DDX31: variants seen among roughly 807,000 people sequenced by gnomAD.
DDX31 encodes the protein ATP-dependent DNA helicase DDX31.
A neutral mutation model predicts 91.3 loss-of-function variants in DDX31; 70 were observed. The observed-to-expected ratio is 0.77, with a 90% confidence interval of 0.63 to 0.94. The LOEUF (loss-of-function observed/expected upper bound fraction) is 0.94, where lower values mean the gene tolerates loss of function less well. DDX31 is among the 40% of genes least tolerant of loss of function. DDX31 has a pLI of 0.00. For missense variants in DDX31, 902 were observed against 925.0 expected (o/e 0.98, Z 0.32); for synonymous variants, 362 against 350.6 (o/e 1.03, Z -0.36).
Position 132,650,245 on chromosome 9 carries a change from T to C in DDX31, c.729A>G (p.Ser243=). The C allele has an allele frequency of 3.1e-6, 5 of 1,614,152 alleles. No individual in the cohort carries two copies. Among genetic ancestry groups the C allele is most frequent in the Non-Finnish European group, 4.2e-6 (5 of 1,179,994 alleles). The change falls in exon 9 of 20, where the codon TCA becomes TCG. Residue 243 remains serine, a synonymous_variant. Transcript: ENST00000372159. ...AAACCTCTTCCTACCTGGCCTTTTC[T>C]GATTTTCTCTTCTCTCCTCCCATTA... is the stretch of plus-strand genomic sequence containing the variant. The part of the protein sequence containing the change: ...GVLMGGEKRK[S]EKARLRKGIN...
intron 12 of DDX31, 139 bp from the exon 13 acceptor site, chr9:132,646,210 C>T: frequency 1.2e-6 from 1 of 867,248 alleles, no homozygotes; most frequent in Non-Finnish European, 1.7e-6. Context: ...TTTAAAAAAA[C>T]AAAAACAAAA....
rs759027675 is a variant in DDX31 at position 132,658,733 on chromosome 9, T to A, written c.526A>T (p.Lys176Ter). 1 of 1,613,274 alleles carries A rather than the reference T, an allele frequency of 6.2e-7. No individual in the cohort carries two copies. The highest frequency in any genetic ancestry group is 1.1e-5 in the South Asian group (1 of 90,836). Residue 176 changes from lysine (K) to a stop codon, truncating the protein, a stop_gained and splice_region_variant, in exon 6 of 20, where the codon AAA (lysine) becomes TAA (stop). Transcript: ENST00000372159. LOFTEE classifies it high-confidence loss of function. Reference sequence around the variant, plus strand: ...ACAGGGATGCAATAGGCAAGAGTTTTACCTTTCAAAAAAAAAGCAGAAGCA... The same window carrying A: ...ACAGGGATGCAATAGGCAAGAGTTTAACCTTTCAAAAAAAAAGCAGAAGCA... ...ALVRSQTGSG[K>*]TLAYCIPVVQ...
chr9:132,616,038 T>A (rs966285580), intron 18 of DDX31, among the ~76,000 whole-genome samples: 6 of 152,180 alleles, frequency 3.9e-5, no homozygotes, highest in Non-Finnish European at 8.8e-5. Context: ...AAAGAGTGTC[T>A]CCACCTATGG....
chr9:132,652,372 A>T, intron 7 of DDX31, 76 bp downstream of exon 7: 1 of 1,574,448 alleles, frequency 6.4e-7, no homozygotes, highest in South Asian at 1.1e-5. Context: ...GAAACATGGT[A>T]AAACCACTTT....
intron 14 of DDX31, among the ~76,000 whole-genome samples, chr9:132,632,756 G>A (rs997092620): frequency 2.6e-5 from 4 of 152,088 alleles, no homozygotes; most frequent in Non-Finnish European, 4.4e-5. Context: ...TTAGAATACA[G>A]GCCAAGCCCA....
chr9:132,616,110 C>T (rs1831611312), intron 18 of DDX31, among the ~76,000 whole-genome samples: 1 of 152,166 alleles, frequency 6.6e-6, no homozygotes, highest in Admixed American at 6.5e-5. Flanking sequence ...TACGTGTATA[C>T]TCTCTCAAGC....
At chr9:132,651,660 G>A (rs778945937) in intron 7 of DDX31, among the ~76,000 whole-genome samples, 1 of 152,090 alleles carries the variant, frequency 6.6e-6, no homozygotes, top group Non-Finnish European at 1.5e-5. Flanking sequence ...CTCCATTTGA[G>A]AACAAAGCAA....
intron 19 of DDX31, among the ~76,000 whole-genome samples, chr9:132,608,186 T>A (rs1436782608): frequency 6.6e-6 from 1 of 152,244 alleles, no homozygotes; most frequent in Non-Finnish European, 1.5e-5. Flanking sequence ...ATTCAATATT[T>A]TACCGACAGC....
chr9:132,637,899 T>C lies in DDX31; in HGVS notation c.1440+4105A>G. ...TCTACATTTATTTGGGACACAGAACTGACATTGTGACTCTTCACAGCCGTA... is the reference window on the plus strand; with the variant it reads ...TCTACATTTATTTGGGACACAGAACCGACATTGTGACTCTTCACAGCCGTA... On this transcript the variant is annotated intron_variant, in intron 14 of 19. Coordinates refer to ENST00000372159, the MANE Select transcript of DDX31 (RefSeq NM_022779.9). The C allele has an allele frequency of 3.0e-6, 3 of 991,228 alleles. No individual in the cohort carries two copies. In the African/African-American group the frequency reaches 5.2e-5, roughly 17 times the overall value. The allele number at this position is 991,228 out of a possible 1,614,324, so 61.4% of individuals were successfully genotyped here. A position where few individuals can be genotyped will look rare whatever the true frequency, so the allele number is the denominator to read the frequency against.
intron 18 of DDX31, among the ~76,000 whole-genome samples, chr9:132,616,964 T>C (rs1025035651): frequency 2.0e-5 from 3 of 152,200 alleles, no homozygotes; most frequent in Admixed American, 1.3e-4. Flanking sequence ...GTGACCACAA[T>C]TGCTCCTCAG....
chr9:132,652,911 G>GT (rs1834302039), intron 6 of DDX31, among the ~76,000 whole-genome samples: 1 of 152,106 alleles, frequency 6.6e-6, no homozygotes. Context: ...ATGTGGAACT[G>GT]TAAGTCAAAT....
chr9:132,623,270 A>G (rs1832157695), intron 17 of DDX31, among the ~76,000 whole-genome samples: 1 of 151,378 alleles, frequency 6.6e-6, no homozygotes. Context: ...AGAAAGGTCC[A>G]GTCCAGGCCG....
intron 19 of DDX31, among the ~76,000 whole-genome samples, chr9:132,607,962 C>T (rs114401795): frequency 4.6e-5 from 7 of 152,272 alleles, no homozygotes; most frequent in African/African-American, 9.6e-5. Context: ...ACTTGTGTGA[C>T]GACCTAGACA....
rs1035228861 is a variant in DDX31 at position 132,594,252 on chromosome 9, C to T, written c.*614G>A. 1 of 152,242 alleles carries T rather than the reference C, an allele frequency of 6.6e-6. No homozygotes were observed. The highest frequency in any genetic ancestry group is 1.5e-5 in the Non-Finnish European group (1 of 68,074). The allele number at this position is 152,242 out of a possible 1,614,324, so 9.4% of individuals were successfully genotyped here. ...AGGGAGCAATGCATGTAAATGCAAC[C>T]TCGTGTTTCCAGAAGAAAATAAGAG... is the stretch of plus-strand genomic sequence containing the variant. On this transcript the variant is annotated 3_prime_UTR_variant, in exon 20 of 20. Coordinates refer to ENST00000372159, the MANE Select transcript of DDX31 (RefSeq NM_022779.9).
At chr9:132,661,140 A>G in intron 4 of DDX31, 68 bp downstream of exon 4, 2 of 1,409,200 alleles carry the variant, frequency 1.4e-6, no homozygotes, top group South Asian at 1.2e-5. Flanking sequence ...TCTGCCTTGC[A>G]CACACAGGTT....
At chr9:132,655,500 T>C (rs1000482623) in intron 6 of DDX31, among the ~76,000 whole-genome samples, 1 of 152,200 alleles carries the variant, frequency 6.6e-6, no homozygotes, top group Non-Finnish European at 1.5e-5. Context: ...ATGCAGAGAA[T>C]TTCCCCAGGA....
chr9:132,610,636 T>A (rs78188365), intron 19 of DDX31, among the ~76,000 whole-genome samples: 1 of 98,860 alleles, frequency 1.0e-5, no homozygotes, highest in Non-Finnish European at 2.5e-5. Context: ...TCACCTCATC[T>A]TTTTTTTTTT....
chr9:132,642,503 TA>T (rs1833565561), intron 13 of DDX31, among the ~76,000 whole-genome samples: 1 of 152,214 alleles, frequency 6.6e-6, no homozygotes, highest in Non-Finnish European at 1.5e-5. Flanking sequence ...CTATGTATTT[TA>T]ATTGGAGAGA....
In DDX31 at chr9:132,650,173, A is replaced by C; in HGVS notation, c.740+61T>G. 2.7e-6 allele frequency: 4 copies of C among 1,496,972 alleles called. No individual in the cohort carries two copies. The African/African-American group carries it at 5.5e-5, about 21-fold the overall frequency. The allele number at this position is 1,496,972 out of a possible 1,614,324, so 92.7% of individuals were successfully genotyped here. ...AGCAGGTTTAGAAGGACCCAGCCTT[A>C]CTGAATAGGAAGGCAGGACACATTC... On this transcript the variant is annotated intron_variant, in intron 9 of 19. Coordinates refer to ENST00000372159, the MANE Select transcript of DDX31 (RefSeq NM_022779.9).
Sources: allele counts gnomAD v4.1 joint callset (sites outside exome capture counted in the v4.1 genomes callset), GRCh38; gene constraint gnomAD v4.1.1; transcripts MANE v1.5; gene names NCBI Gene and HGNC (gene_info 2026-07-23, HGNC 2026-07-21).